LRRC7: variants seen among roughly 807,000 people sequenced by gnomAD.
LRRC7 encodes the protein leucine-rich repeat-containing protein 7.
Under a neutral mutation model 175.7 loss-of-function variants are expected in LRRC7, and 23 were observed. The observed-to-expected ratio is 0.13, with a 90% confidence interval of 0.09 to 0.19. The LOEUF (loss-of-function observed/expected upper bound fraction) is 0.19. LRRC7 is among the 10% of genes least tolerant of loss of function. The probability of loss-of-function intolerance (pLI) is 1.00; values close to 1 mark genes in which losing one functional copy is unlikely to be tolerated. For synonymous variants in LRRC7, 685 were observed against 680.9 expected (o/e 1.01, Z -0.09); for missense variants, 1,354 against 1,904.7 (o/e 0.71, Z 5.38).
At chr1:69,844,324 A>T (rs564133554) in intron 7 of LRRC7, among the ~76,000 whole-genome samples, 2 of 152,160 alleles carry the variant, frequency 1.3e-5, no homozygotes, top group East Asian at 3.9e-4. Context: ...GTATAACTGA[A>T]ACTTTATACC....
intron 7 of LRRC7, among the ~76,000 whole-genome samples, chr1:69,842,196 A>C (rs1037304794): frequency 2.0e-5 from 3 of 152,130 alleles, no homozygotes; most frequent in African/African-American, 7.2e-5. Context: ...ACAATTTTTT[A>C]AATGAAATTT....
intron 2 of LRRC7, among the ~76,000 whole-genome samples, chr1:69,737,143 G>A (rs1668205192): frequency 6.6e-6 from 1 of 152,184 alleles, no homozygotes; most frequent in Non-Finnish European, 1.5e-5. Context: ...CCAGAGATTA[G>A]ACAAACTCTG....
intron 7 of LRRC7, among the ~76,000 whole-genome samples, chr1:69,886,294 G>A (rs1264740983): frequency 6.6e-6 from 1 of 151,480 alleles, no homozygotes; most frequent in Admixed American, 6.6e-5. Flanking sequence ...TACGAATCTG[G>A]GTGCTCCTGT....
chr1:69,719,777 T>C (rs548549115), intron 2 of LRRC7, among the ~76,000 whole-genome samples: 62 of 151,770 alleles, frequency 4.1e-4, no homozygotes, highest in African/African-American at 1.4e-3. Context: ...TGATGAAGAA[T>C]GTAAAAATCG....
intron 2 of LRRC7, among the ~76,000 whole-genome samples, chr1:69,707,409 A>G (rs1664172626): frequency 6.6e-6 from 1 of 152,056 alleles, no homozygotes; most frequent in African/African-American, 2.4e-5. Flanking sequence ...TGCCCGCAGA[A>G]TAGAGCCTCA....
At chr1:69,694,157 C>CA (rs1662259906) in intron 2 of LRRC7, among the ~76,000 whole-genome samples, 1 of 152,160 alleles carries the variant, frequency 6.6e-6, no homozygotes, top group Non-Finnish European at 1.5e-5. Context: ...TTGTAACTTG[C>CA]CTCATCTTGC....
chr1:69,734,481 T>C (rs1331223181), intron 2 of LRRC7, among the ~76,000 whole-genome samples: 1 of 151,984 alleles, frequency 6.6e-6, no homozygotes, highest in African/African-American at 2.4e-5. Context: ...AGTGTACTAA[T>C]ATAAACAATA....
intron 4 of LRRC7, among the ~76,000 whole-genome samples, chr1:69,802,150 A>G (rs1191837862): frequency 6.6e-6 from 1 of 151,318 alleles, no homozygotes; most frequent in East Asian, 1.9e-4. Flanking sequence ...TGGTCTATCT[A>G]TATTGGAGAA....
chr1:69,892,650 A>G (rs1228324952), intron 7 of LRRC7, among the ~76,000 whole-genome samples: 1 of 152,162 alleles, frequency 6.6e-6, no homozygotes, highest in Non-Finnish European at 1.5e-5. Flanking sequence ...AGAGGTAGAT[A>G]CTATTTATTT....
At chr1:70,059,058 C>T (rs1661374296) in intron 23 of LRRC7, among the ~76,000 whole-genome samples, 1 of 152,138 alleles carries the variant, frequency 6.6e-6, no homozygotes, top group Non-Finnish European at 1.5e-5. Context: ...TGAAACCAAA[C>T]ACTTCGCTTC....
At chr1:69,727,200 G>A (rs1667074882) in intron 2 of LRRC7, among the ~76,000 whole-genome samples, 1 of 152,208 alleles carries the variant, frequency 6.6e-6, no homozygotes, top group African/African-American at 2.4e-5. Flanking sequence ...CCCAGAGAGG[G>A]ATGCACTGGT....
intron 2 of LRRC7, among the ~76,000 whole-genome samples, chr1:69,731,602 A>G (rs1360770893): frequency 1.3e-5 from 2 of 152,258 alleles, no homozygotes; most frequent in Non-Finnish European, 2.9e-5. Flanking sequence ...AAATGTATTT[A>G]GACATCCTCT....
chr1:69,832,265 A>G (rs1262641777), intron 5 of LRRC7, among the ~76,000 whole-genome samples: 1 of 152,098 alleles, frequency 6.6e-6, no homozygotes, highest in Non-Finnish European at 1.5e-5. Context: ...TTATATTCCT[A>G]CTTGTCATTA....
chr1:69,888,940 G>A (rs995914788), intron 7 of LRRC7, among the ~76,000 whole-genome samples: 1 of 152,254 alleles, frequency 6.6e-6, no homozygotes, highest in South Asian at 2.1e-4. Context: ...TGCAGACTCA[G>A]TTTCACACCA....
intron 11 of LRRC7, among the ~76,000 whole-genome samples, chr1:70,001,738 T>C (rs897047841): frequency 6.6e-6 from 1 of 152,220 alleles, no homozygotes; most frequent in African/African-American, 2.4e-5. Context: ...AGTTATTTTG[T>C]TGTTGCTGAA....
chr1:69,919,835 G>C, intron 7 of LRRC7: 1 of 723,052 alleles, frequency 1.4e-6, no homozygotes, highest in Non-Finnish European at 2.4e-6. Flanking sequence ...TGTCCGCACG[G>C]AGTGAGGATT....
At chr1:69,716,338 G>A in intron 2 of LRRC7, 1 of 402,256 alleles carries the variant, frequency 2.5e-6, no homozygotes. Flanking sequence ...CAGTTTTCAT[G>A]TTAACCTATA....
At chr1:69,887,705 A>C (rs1645685536) in intron 7 of LRRC7, among the ~76,000 whole-genome samples, 1 of 150,756 alleles carries the variant, frequency 6.6e-6, no homozygotes, top group Non-Finnish European at 1.5e-5. Flanking sequence ...TGTGTTTTAG[A>C]GTTTCCAGTT....
At chr1:69,906,369 C>T (rs1646311768) in intron 7 of LRRC7, among the ~76,000 whole-genome samples, 1 of 151,910 alleles carries the variant, frequency 6.6e-6, no homozygotes, top group African/African-American at 2.4e-5. Context: ...CCTAGGTTTT[C>T]TTCTAGGGTT....
Sources: gnomAD v4.1 joint callset for allele counts (sites outside exome capture counted in the v4.1 genomes callset) on GRCh38, gnomAD v4.1.1 for gene constraint, MANE v1.5 for transcripts, NCBI Gene and HGNC (gene_info 2026-07-23, HGNC 2026-07-21) for gene names.